The following CLIP4 variants were observed in gnomAD, a reference collection of about 807,000 sequenced individuals.
CLIP4 encodes CAP-Gly domain containing linker protein family member 4.
CLIP4 carries 47 observed loss-of-function variants against 73.1 expected under a neutral mutation model. The observed-to-expected ratio is 0.64, with a 90% CI of 0.51 to 0.82. The LOEUF is 0.82. CLIP4 is among the 40% of genes least tolerant of loss of function. The pLI is 0.00. For synonymous variants in CLIP4, 306 were observed against 295.4 expected (o/e 1.04, Z -0.37); for missense variants, 874 against 852.9 (o/e 1.02, Z -0.31).
intron 8 of CLIP4, among the ~76,000 whole-genome samples, chr2:29,152,378 C>T (rs1376237020): frequency 8.2e-6 from 1 of 122,512 alleles, no homozygotes; most frequent in African/African-American, 2.6e-5. Context: ...TTAAAAGTTA[C>T]CGTAAAGGTT....
chr2:29,142,209 C>A (rs1288203011), intron 6 of CLIP4, among the ~76,000 whole-genome samples: 2 of 152,052 alleles, frequency 1.3e-5, no homozygotes, highest in Non-Finnish European at 2.9e-5. Context: ...TATGCCACCA[C>A]TTTAGAAGAA....
At position 29,181,853 on chromosome 2, in the gene CLIP4, G is replaced by A. The variant is rs749327905; in HGVS notation, c.2078G>A (p.Arg693Gln). ...VLVRPSRVTYRGINGSKLVDE... is the reference protein window; with the variant it reads ...VLVRPSRVTYQGINGSKLVDE... ...GTTCGACCGAGCAGAGTGACCTATC[G>A]GGGAATTAATGGGTCAAAACTTGTG... The change falls in exon 16 of 16, where the codon CGG becomes CAG. Residue 693 changes from arginine to glutamine, a missense_variant. Transcript: ENST00000320081. The A allele has an allele frequency of 9.9e-6, 16 of 1,613,344 alleles. No individual in the cohort carries two copies. The highest frequency in any genetic ancestry group is 4.4e-5 in the South Asian group (4 of 91,040).
chr2:29,143,276 C>A (rs1665902642), intron 6 of CLIP4, among the ~76,000 whole-genome samples: 1 of 128,654 alleles, frequency 7.8e-6, no homozygotes, highest in East Asian at 2.2e-4. Flanking sequence ...CTGCACAGCT[C>A]CTCCCTGGTC....
At chr2:29,181,289 A>G (rs1668627738) in intron 15 of CLIP4, among the ~76,000 whole-genome samples, 2 of 152,122 alleles carry the variant, frequency 1.3e-5, no homozygotes, top group South Asian at 2.1e-4. Flanking sequence ...GGCTGAGGAG[A>G]AGGAGGAAGA....
At chr2:29,125,581 T>C (rs911901099) in intron 2 of CLIP4, among the ~76,000 whole-genome samples, 1 of 152,154 alleles carries the variant, frequency 6.6e-6, no homozygotes, top group Non-Finnish European at 1.5e-5. Flanking sequence ...TCTCCTCAAC[T>C]CAGCGAGTTT....
intron 8 of CLIP4, among the ~76,000 whole-genome samples, chr2:29,150,170 C>T (rs1013266644): frequency 1.3e-5 from 2 of 152,210 alleles, no homozygotes; most frequent in African/African-American, 4.8e-5. Context: ...AGTGGTGTCT[C>T]CTCTTCCCAC....
chr2:29,107,366 T>TGTTTTTTTTGTTTTTTTTG (rs1668246541), intron 1 of CLIP4, among the ~76,000 whole-genome samples: 1 of 107,516 alleles, frequency 9.3e-6, no homozygotes, highest in Non-Finnish European at 1.9e-5. Flanking sequence ...TAGTTTTTTT[T>TGTTTTTTTTGTTTTTTTTG]TTTTTTTTTT....
intron 15 of CLIP4, chr2:29,174,695 T>G: frequency 8.9e-7 from 1 of 1,123,506 alleles, no homozygotes; most frequent in Non-Finnish European, 1.1e-6. Context: ...GAACTGTTAA[T>G]AAAAGTTAAA....
chr2:29,139,977 T>C (rs1024090468), intron 6 of CLIP4, among the ~76,000 whole-genome samples: 8 of 152,124 alleles, frequency 5.3e-5, no homozygotes, highest in Admixed American at 1.3e-4. Context: ...CAGTTTCATA[T>C]AGTTGTACTC....
rs1162126426 is a variant in CLIP4, at chr2:29,131,150, G to A, written c.134-108G>A. Reference sequence around the variant, plus strand: ...TTTAGATACTTCTGATTTTTTTTTAGCATCTAAAATATTTGTATCATTTGA... The same window carrying A: ...TTTAGATACTTCTGATTTTTTTTTAACATCTAAAATATTTGTATCATTTGA... On this transcript the variant is annotated intron_variant, in intron 2 of 15. Coordinates refer to ENST00000320081, the MANE Select transcript of CLIP4 (RefSeq NM_024692.6). The A allele has an allele frequency of 7.1e-6, 7 of 992,464 alleles. No homozygotes were observed. In the East Asian group the frequency reaches 8.2e-5, roughly 12 times the overall value. 61.5% of individuals were successfully genotyped at this position (992,464 alleles called of 1,614,324 possible). A position where few individuals can be genotyped will look rare whatever the true frequency, so the allele number is the denominator to read the frequency against.
chr2:29,143,754 GAT>G lies in CLIP4; in HGVS notation c.697_698del (p.Met233AlafsTer6). The G allele has an allele frequency of 6.2e-7, 1 of 1,614,084 alleles. No homozygotes were observed. Among genetic ancestry groups the G allele is most frequent in the Non-Finnish European group, 8.5e-7 (1 of 1,179,930 alleles). On this transcript the variant is annotated frameshift_variant, in exon 7 of 16. Transcript: ENST00000320081. LOFTEE classifies it high-confidence loss of function. ...TGCTGATGTTGTTCCAGACCCAGTA[GAT>G]ATGCCGTTAGAGATGGCTGACGCCG... ...IPADVVPDPV[D>X]MPLEMADAAA...
At position 29,175,928 on chromosome 2, in the gene CLIP4, A is replaced by T. The variant is rs1474175916; in HGVS notation, c.1796+1483A>T. ...AGGCGCCCGCCACCACACCCGGCTAATTTTTTGTATTTTTAGTAGAGACGG... is the reference window on the plus strand; with the variant it reads ...AGGCGCCCGCCACCACACCCGGCTATTTTTTTGTATTTTTAGTAGAGACGG... On this transcript the variant is annotated intron_variant, in intron 15 of 15. Transcript: ENST00000320081. Among the ~76,000 whole-genome samples, 44 of 151,898 alleles carry T rather than the reference A, an allele frequency of 2.9e-4. 1 individual carries two copies. Among genetic ancestry groups the T allele is most frequent in the Non-Finnish European group, 1.5e-5 (1 of 67,966 alleles).
intron 15 of CLIP4, chr2:29,175,322 C>A (rs1573042347): frequency 6.6e-6 from 1 of 152,218 alleles, no homozygotes; most frequent in East Asian, 1.9e-4. Context: ...TTTCTCCCTT[C>A]CTCAAAACCA....
Position 29,174,392 on chromosome 2 carries a change from C to T in CLIP4, c.1743C>T (p.Ser581=). Reference sequence around the variant, plus strand: ...ATTTAGGTTTTAGGAGAAGTTTTAGCACAACTTCTGCTTCTTCCCAAAAGG... The same window carrying T: ...ATTTAGGTTTTAGGAGAAGTTTTAGTACAACTTCTGCTTCTTCCCAAAAGG... ...HSYPGFRRSF[S]TTSASSQKEI... Residue 581 remains serine, a synonymous_variant, in exon 15 of 16, where the codon AGC becomes AGT. Transcript: ENST00000320081. The T allele has an allele frequency of 6.2e-7, 1 of 1,612,216 alleles. No homozygotes were observed. The highest frequency in any genetic ancestry group is 8.5e-7 in the Non-Finnish European group (1 of 1,179,496).
chr2:29,111,806 T>C (rs2148442854), upstream of CLIP4, among the ~76,000 whole-genome samples: 1 of 152,334 alleles, frequency 6.6e-6, no homozygotes, highest in South Asian at 2.1e-4. Context: ...TCATACAATT[T>C]TTTTTTGCTT....
intron 1 of CLIP4, chr2:29,118,101 A>G (rs1481617079): frequency 6.6e-6 from 1 of 152,200 alleles, no homozygotes; most frequent in Non-Finnish European, 1.5e-5. Flanking sequence ...ATGATGACTC[A>G]TAACAAAGTA....
At chr2:29,155,300 A>G (rs12620234) in intron 9 of CLIP4, among the ~76,000 whole-genome samples, 7,685 of 152,266 alleles carry the variant, frequency 0.05, 317 homozygotes, top group East Asian at 0.19. Flanking sequence ...CTGTTTCTGA[A>G]CAAAAAAAAG....
chr2:29,159,365 C>T (rs900736479), intron 11 of CLIP4, among the ~76,000 whole-genome samples: 2 of 152,066 alleles, frequency 1.3e-5, no homozygotes, highest in Non-Finnish European at 1.5e-5. Context: ...GGCTCAAGCA[C>T]CCACTTCTTC....
intron 5 of CLIP4, 151 bp downstream of exon 5, chr2:29,133,967 C>T: frequency 1.6e-6 from 1 of 632,438 alleles, no homozygotes; most frequent in East Asian, 2.9e-5. Context: ...TTTAAAATTT[C>T]TTTATTGAGT....
Sources: allele counts gnomAD v4.1 joint callset (sites outside exome capture counted in the v4.1 genomes callset), GRCh38; gene constraint gnomAD v4.1.1; transcripts MANE v1.5; gene names NCBI Gene and HGNC (gene_info 2026-07-23, HGNC 2026-07-21).